Variants in PDCL observed in about 807,000 individuals in gnomAD.
The protein encoded by PDCL is phosducin like, also known as phosducin-like protein.
PDCL carries 11 observed loss-of-function variants against 26.7 expected under a neutral mutation model. The ratio of observed to expected loss-of-function variants is 0.41; its 90% CI spans 0.26 to 0.68. The LOEUF is 0.68. PDCL is among the 30% of genes least tolerant of loss of function. The pLI is 0.30. For synonymous variants in PDCL, 118 were observed against 134.9 expected (o/e 0.87, Z 0.87); for missense variants, 330 against 371.6 (o/e 0.89, Z 0.92).
chr9:122,826,481 A>C (rs1419551669), intron 2 of PDCL, 135 bp downstream of exon 2: 3 of 688,638 alleles, frequency 4.4e-6, no homozygotes, highest in Non-Finnish European at 6.7e-6. Context: ...CATAATGAAA[A>C]GACTAGGTTA....
rs1325150180 is a variant in PDCL, at chr9:122,818,433, C to T, written c.*1652G>A. On this transcript the variant is annotated 3_prime_UTR_variant, in exon 4 of 4. Coordinates refer to ENST00000259467, the MANE Select transcript of PDCL (RefSeq NM_005388.5). ...ACACTAAATAAGGAAGAGCACAGAA[C>T]TAAATTCAGTAAGTACTCAATGTTT... 2 of 151,954 alleles carry T rather than the reference C, an allele frequency of 1.3e-5. No individual in the cohort carries two copies. Among genetic ancestry groups the T allele is most frequent in the Non-Finnish European group, 2.9e-5 (2 of 67,984 alleles). The allele number at this position is 151,954 out of a possible 1,614,324, so 9.4% of individuals were successfully genotyped here.
At chr9:122,822,226 G>GA (rs1829562611) in intron 3 of PDCL, among the ~76,000 whole-genome samples, 1 of 152,116 alleles carries the variant, frequency 6.6e-6, no homozygotes, top group Non-Finnish European at 1.5e-5. Flanking sequence ...GGCATCCAGA[G>GA]AAACAGTGAA....
intron 2 of PDCL, among the ~76,000 whole-genome samples, chr9:122,826,137 G>A (rs554505946): frequency 7.2e-5 from 11 of 152,144 alleles, no homozygotes; most frequent in South Asian, 6.2e-4. Flanking sequence ...TGGTGGGGGC[G>A]GAAATAAACC....
At chr9:122,821,492 A>G (rs1287866590) in intron 3 of PDCL, among the ~76,000 whole-genome samples, 1 of 152,188 alleles carries the variant, frequency 6.6e-6, no homozygotes, top group African/African-American at 2.4e-5. Context: ...TTTTGCTTTT[A>G]TAGCAGCAGC....
chr9:122,820,053 C>A lies in PDCL; in HGVS notation c.*32G>T. 1.3e-6 allele frequency: 2 copies of A among 1,528,734 alleles called. No individual in the cohort carries two copies. Among genetic ancestry groups the A allele is most frequent in the Non-Finnish European group, 8.8e-7 (1 of 1,135,704 alleles). The allele number at this position is 1,528,734 out of a possible 1,614,324, so 94.7% of individuals were successfully genotyped here. ...ACAATGACGTGTATTCCAACCCAAA[C>A]AATGAGAAATCTATGCAACTAGACT... On this transcript the variant is annotated 3_prime_UTR_variant, in exon 4 of 4. Coordinates refer to ENST00000259467, the MANE Select transcript of PDCL (RefSeq NM_005388.5).
In PDCL at chr9:122,819,761, G is replaced by T; in HGVS notation, c.*324C>A. On this transcript the variant is annotated 3_prime_UTR_variant, in exon 4 of 4. Transcript: ENST00000259467. ...TCTCAGACTTGGCAGAGACCTCTAA[G>T]ATCATCTGAAGACAATTTCCAAGAC... 1 of 216,074 alleles carries T rather than the reference G, an allele frequency of 4.6e-6. No homozygotes were observed. The highest frequency in any genetic ancestry group is 9.0e-6 in the Non-Finnish European group (1 of 110,600). The allele number at this position is 216,074 out of a possible 1,614,324, so 13.4% of individuals were successfully genotyped here.
intron 2 of PDCL, among the ~76,000 whole-genome samples, 169 bp from the exon 3 acceptor site, chr9:122,823,366 T>C (rs1588035519): frequency 1.3e-5 from 2 of 152,254 alleles, no homozygotes; most frequent in East Asian, 3.9e-4. Flanking sequence ...CTATACACAA[T>C]GATGTACCCT....
intron 1 of PDCL, among the ~76,000 whole-genome samples, chr9:122,828,063 C>A (rs1462407623): frequency 6.6e-6 from 1 of 152,058 alleles, no homozygotes; most frequent in Non-Finnish European, 1.5e-5. Flanking sequence ...GCAAAGGAGA[C>A]AGGGATCATG....
At chr9:122,824,952 T>C (rs962853505) in intron 2 of PDCL, among the ~76,000 whole-genome samples, 1 of 151,920 alleles carries the variant, frequency 6.6e-6, no homozygotes, top group Non-Finnish European at 1.5e-5. Flanking sequence ...AGACCCAACA[T>C]AAACAGAGAA....
At chr9:122,821,632 C>A (rs911003524) in intron 3 of PDCL, among the ~76,000 whole-genome samples, 4 of 152,098 alleles carry the variant, frequency 2.6e-5, no homozygotes, top group African/African-American at 9.7e-5. Context: ...TTCCCTAATT[C>A]TGCCAGACAG....
chr9:122,825,284 C>T (rs1829609937), intron 2 of PDCL, among the ~76,000 whole-genome samples: 1 of 152,008 alleles, frequency 6.6e-6, no homozygotes, highest in Non-Finnish European at 1.5e-5. Context: ...TCCTCAGCCT[C>T]CCGAGTAGTT....
At chr9:122,826,976 T>A (rs1829637033) in intron 1 of PDCL, among the ~76,000 whole-genome samples, 184 bp from the exon 2 acceptor site, 1 of 152,178 alleles carries the variant, frequency 6.6e-6, no homozygotes, top group Non-Finnish European at 1.5e-5. Context: ...ATCACACTCT[T>A]TAACAGAAGG....
intron 3 of PDCL, among the ~76,000 whole-genome samples, chr9:122,821,956 A>G (rs372218215): frequency 9.2e-5 from 14 of 152,092 alleles, no homozygotes; most frequent in African/African-American, 4.8e-5. Flanking sequence ...AACCAGCAAC[A>G]TTCTGAGTTC....
rs1829540856 is a variant in PDCL, at chr9:122,820,594, C to T, written c.397G>A (p.Asp133Asn). 1 of 1,612,946 alleles carries T rather than the reference C, an allele frequency of 6.2e-7. No homozygotes were observed. The highest frequency in any genetic ancestry group is 1.3e-5 in the African/African-American group (1 of 74,750). The change falls in exon 4 of 4, where the codon GAT becomes AAT. Residue 133 changes from aspartate (D) to asparagine (N), a missense_variant. Asp to Asn is a conservative substitution (Grantham distance 23, BLOSUM62 1). Transcript: ENST00000259467. ...CGGTACTGCTGCAGAAACTCTTCATCATCTTGGTCCTCATTCATTATGGCA... is the reference window on the plus strand; with the variant it reads ...CGGTACTGCTGCAGAAACTCTTCATTATCTTGGTCCTCATTCATTATGGCA... ...EFAIMNEDQD[D>N]EEFLQQYRKQ...
At chr9:122,824,544 T>C (rs951628986) in intron 2 of PDCL, among the ~76,000 whole-genome samples, 3 of 152,232 alleles carry the variant, frequency 2.0e-5, no homozygotes, top group African/African-American at 4.8e-5. Context: ...AATAAACCTT[T>C]GTTGCCATAA....
intron 2 of PDCL, 46 bp downstream of exon 2, chr9:122,826,570 T>C (rs1299268654): frequency 2.0e-6 from 3 of 1,502,226 alleles, no homozygotes; most frequent in African/African-American, 1.4e-5. Context: ...ATGTATTTAA[T>C]GTACATTTTT....
chr9:122,824,267 C>A (rs759516388), intron 2 of PDCL, among the ~76,000 whole-genome samples: 6 of 152,126 alleles, frequency 3.9e-5, no homozygotes, highest in Admixed American at 6.6e-5. Flanking sequence ...CTTGACTATG[C>A]GACTTGCTGG....
chr9:122,826,323 T>C (rs968871070), intron 2 of PDCL, among the ~76,000 whole-genome samples: 5 of 152,172 alleles, frequency 3.3e-5, no homozygotes, highest in Non-Finnish European at 7.4e-5. Flanking sequence ...TTTTAGGAAT[T>C]TGCACTACCC....
Position 122,818,969 on chromosome 9 carries a change from C to T in PDCL, c.*1116G>A, listed in dbSNP as rs1829519831. ...GAGACAACCATCAAGCAAATTATAT[C>T]ACATCTATACGATGGAATATTAATA... is the stretch of plus-strand genomic sequence containing the variant. On this transcript the variant is annotated 3_prime_UTR_variant, in exon 4 of 4. Transcript: ENST00000259467. 6.6e-6 allele frequency: 1 copy of T among 151,856 alleles called. No individual in the cohort carries two copies. The highest frequency in any genetic ancestry group is 1.5e-5 in the Non-Finnish European group (1 of 67,952). 9.4% of individuals were successfully genotyped at this position (151,856 alleles called of 1,614,324 possible).
Sources: allele counts gnomAD v4.1 joint callset (sites outside exome capture counted in the v4.1 genomes callset), GRCh38; gene constraint gnomAD v4.1.1; transcripts MANE v1.5; gene names NCBI Gene and HGNC (gene_info 2026-07-23, HGNC 2026-07-21).